Variants in WWOX observed in about 807,000 individuals in gnomAD.
WWOX encodes the protein WW domain containing oxidoreductase, also known as WW domain-containing oxidoreductase.
Under a neutral mutation model 46.2 loss-of-function variants are expected in WWOX, and 69 were observed. That is an observed-to-expected ratio of 1.49 (90% CI 1.23 to 1.82). The LOEUF (loss-of-function observed/expected upper bound fraction) is 1.82. WWOX is among the 40% of genes most tolerant of loss of function. The pLI is 0.00. For synonymous variants in WWOX, 359 were observed against 202.6 expected, an observed-to-expected ratio of 1.77 and a Z score of -6.56; for missense variants, 919 against 542.6, an observed-to-expected ratio of 1.69 and a Z score of -6.89.
intron 8 of WWOX, among the ~76,000 whole-genome samples, chr16:78,883,053 T>G (rs1452617164): frequency 6.6e-6 from 1 of 152,144 alleles, no homozygotes; most frequent in Non-Finnish European, 1.5e-5. Context: ...GGAAGCACCT[T>G]AGCGGTTCGC....
intron 5 of WWOX, chr16:78,241,174 T>C (rs1336501686): frequency 6.6e-6 from 1 of 152,216 alleles, no homozygotes; most frequent in Admixed American, 6.5e-5. Flanking sequence ...ATGAGAATGA[T>C]ATTGACCCAT....
chr16:78,462,497 T>A (rs1283983553), intron 8 of WWOX, among the ~76,000 whole-genome samples: 1 of 152,210 alleles, frequency 6.6e-6, no homozygotes, highest in Non-Finnish European at 1.5e-5. Flanking sequence ...AGTAAATTGT[T>A]GTAAGGTCAG....
At chr16:78,791,536 G>T (rs1261580080) in intron 8 of WWOX, among the ~76,000 whole-genome samples, 2 of 152,098 alleles carry the variant, frequency 1.3e-5, no homozygotes, top group East Asian at 3.9e-4. Context: ...GGGTTTCACT[G>T]CTCTAAGGAT....
At chr16:78,994,969 C>A (rs74715251) in intron 8 of WWOX, among the ~76,000 whole-genome samples, 1 of 114,620 alleles carries the variant, frequency 8.7e-6, no homozygotes, top group East Asian at 2.5e-4. Flanking sequence ...TCTTCTTCTT[C>A]TTTTTTTTTT....
rs1266205670 is a variant in WWOX at position 78,424,962 on chromosome 16, A to T, written c.698A>T (p.His233Leu). 2 of 1,614,022 alleles carry T rather than the reference A, an allele frequency of 1.2e-6. No individual in the cohort carries two copies. The highest frequency in any genetic ancestry group is 2.7e-5 in the African/African-American group (2 of 74,908). ...CTGGAGACCACCTTTCAAGTGAATC[A>T]TCTGGGGCACTTCTACCTTGTCCAG... is the stretch of plus-strand genomic sequence containing the variant. ...DGLETTFQVNHLGHFYLVQLL... is the reference protein window; with the variant it reads ...DGLETTFQVNLLGHFYLVQLL... The change falls in exon 7 of 9, where the codon CAT becomes CTT. Residue 233 changes from histidine to leucine, a missense_variant. By Grantham distance (99) the His-to-Leu change is moderately conservative. Coordinates refer to ENST00000566780, the MANE Select transcript of WWOX (RefSeq NM_016373.4).
At chr16:78,279,743 A>G (rs981983758) in intron 5 of WWOX, among the ~76,000 whole-genome samples, 1 of 152,220 alleles carries the variant, frequency 6.6e-6, no homozygotes, top group Non-Finnish European at 1.5e-5. Flanking sequence ...TTGTCTTCAC[A>G]TTGTTAAAAT....
intron 6 of WWOX, among the ~76,000 whole-genome samples, chr16:78,401,912 C>G (rs1433683820): frequency 1.3e-5 from 2 of 152,034 alleles, no homozygotes; most frequent in East Asian, 3.9e-4. Flanking sequence ...GTTGGTTAAG[C>G]TGGTCTCAAA....
intron 8 of WWOX, among the ~76,000 whole-genome samples, chr16:79,044,677 A>G (rs1419805055): frequency 6.6e-6 from 1 of 152,216 alleles, no homozygotes; most frequent in African/African-American, 2.4e-5. Flanking sequence ...GTCTCAGGTA[A>G]TTCTTTATAG....
intron 8 of WWOX, among the ~76,000 whole-genome samples, chr16:78,727,395 A>G (rs935842376): frequency 4.6e-5 from 7 of 152,172 alleles, no homozygotes; most frequent in African/African-American, 1.7e-4. Context: ...AAAGCGAAAC[A>G]AAACAAATGA....
intron 8 of WWOX, chr16:79,101,249 T>G (rs1160425049): frequency 1.3e-5 from 2 of 152,324 alleles, no homozygotes; most frequent in Non-Finnish European, 2.9e-5. Flanking sequence ...ATTCGCAGCT[T>G]GTATGACAGT....
intron 5 of WWOX, among the ~76,000 whole-genome samples, chr16:78,169,936 C>T (rs2035100563): frequency 6.6e-6 from 1 of 152,042 alleles, no homozygotes; most frequent in Non-Finnish European, 1.5e-5. Flanking sequence ...AGCGAGGGGC[C>T]CAATAAGTGT....
intron 8 of WWOX, among the ~76,000 whole-genome samples, chr16:79,002,509 C>T (rs2047113843): frequency 6.6e-6 from 1 of 152,136 alleles, no homozygotes; most frequent in South Asian, 2.1e-4. Flanking sequence ...AGGTGTGAGC[C>T]ACCGCACCCG....
intron 8 of WWOX, among the ~76,000 whole-genome samples, chr16:78,618,050 G>C (rs901362495): frequency 3.9e-5 from 6 of 152,148 alleles, no homozygotes; most frequent in African/African-American, 1.4e-4. Context: ...CTATTCATGT[G>C]TTCTTGAATT....
chr16:78,504,481 C>T (rs937316692), intron 8 of WWOX, among the ~76,000 whole-genome samples: 3 of 152,234 alleles, frequency 2.0e-5, no homozygotes, highest in African/African-American at 7.2e-5. Context: ...AGGGTTTCCA[C>T]CTCGCAGTTT....
At chr16:78,832,039 C>T (rs557902596) in intron 8 of WWOX, among the ~76,000 whole-genome samples, 1 of 152,270 alleles carries the variant, frequency 6.6e-6, no homozygotes, top group African/African-American at 2.4e-5. Context: ...AACAAATTAC[C>T]CCAAAATGTA....
chr16:78,593,170 A>G (rs12599707), intron 8 of WWOX, among the ~76,000 whole-genome samples: 7,996 of 151,882 alleles, frequency 0.053, 282 homozygotes, highest in South Asian at 0.17. Context: ...GCTCCCCTGG[A>G]GTGTATCCTG....
chr16:78,294,463 C>T (rs192513029), intron 5 of WWOX, among the ~76,000 whole-genome samples: 4 of 152,226 alleles, frequency 2.6e-5, no homozygotes, highest in Non-Finnish European at 5.9e-5. Context: ...CCATGTTCTA[C>T]AAGTTCTGTA....
intron 8 of WWOX, chr16:78,756,808 C>G (rs2049660498): frequency 1.8e-6 from 1 of 560,132 alleles, no homozygotes; most frequent in Admixed American, 2.6e-5. Context: ...TCAGCATAGT[C>G]TTCTCGGACA....
chr16:78,975,761 G>A (rs909704042), intron 8 of WWOX, among the ~76,000 whole-genome samples: 8 of 152,118 alleles, frequency 5.3e-5, no homozygotes, highest in South Asian at 2.1e-4. Context: ...GGCAAGCGGA[G>A]GTCATGATGG....
Sources: allele counts gnomAD v4.1 joint callset (sites outside exome capture counted in the v4.1 genomes callset), GRCh38; gene constraint gnomAD v4.1.1; transcripts MANE v1.5; gene names NCBI Gene and HGNC (gene_info 2026-07-23, HGNC 2026-07-21).